RABGAP1L: variants seen among roughly 807,000 people sequenced by gnomAD.
RABGAP1L encodes the protein rab GTPase-activating protein 1-like.
In RABGAP1L, 63 loss-of-function variants were observed where a neutral mutation model predicts 137.7. That is an observed-to-expected ratio of 0.46 (90% CI 0.37 to 0.56). The LOEUF is 0.56. RABGAP1L is among the 20% of genes least tolerant of loss of function. The pLI, the probability that RABGAP1L is intolerant of heterozygous loss-of-function variation, is 0.00. For synonymous variants in RABGAP1L, 431 were observed against 433.7 expected (o/e 0.99, Z 0.08); for missense variants, 1,095 against 1,244.0 (o/e 0.88, Z 1.80).
intron 13 of RABGAP1L, among the ~76,000 whole-genome samples, chr1:174,580,559 T>C (rs1557867113): frequency 6.6e-6 from 1 of 151,660 alleles, no homozygotes; most frequent in Non-Finnish European, 1.5e-5. Flanking sequence ...ATGTTCTCAC[T>C]CATAGGTGGG....
chr1:174,438,742 G>GTATATA (rs1468934527), intron 13 of RABGAP1L, among the ~76,000 whole-genome samples: 1 of 65,802 alleles, frequency 1.5e-5, no homozygotes, highest in Non-Finnish European at 2.5e-5. Flanking sequence ...AAGTGTGTGT[G>GTATATA]TGTATATATA....
At chr1:174,694,150 T>C (rs1306361662) in intron 15 of RABGAP1L, among the ~76,000 whole-genome samples, 1 of 152,174 alleles carries the variant, frequency 6.6e-6, no homozygotes, top group Non-Finnish European at 1.5e-5. Context: ...ATAACATATA[T>C]GGTTACCTGC....
intron 1 of RABGAP1L, among the ~76,000 whole-genome samples, chr1:174,169,786 C>T (rs1313334710): frequency 6.6e-6 from 1 of 152,130 alleles, no homozygotes; most frequent in East Asian, 1.9e-4. Context: ...AACTTCTGGT[C>T]TCAAAGCGAT....
intron 18 of RABGAP1L, among the ~76,000 whole-genome samples, chr1:174,790,601 T>C (rs556165483): frequency 1.3e-5 from 2 of 149,682 alleles, no homozygotes; most frequent in South Asian, 4.3e-4. Context: ...GCTATTGCAC[T>C]CTAGCCTGGG....
chr1:174,610,899 G>A (rs1408974362), intron 13 of RABGAP1L, among the ~76,000 whole-genome samples: 1 of 152,048 alleles, frequency 6.6e-6, no homozygotes, highest in Non-Finnish European at 1.5e-5. Flanking sequence ...TTTTGATGGG[G>A]TTGTTTGTTT....
intron 13 of RABGAP1L, among the ~76,000 whole-genome samples, chr1:174,597,776 T>C (rs1670080025): frequency 6.6e-6 from 1 of 152,224 alleles, no homozygotes; most frequent in Admixed American, 6.5e-5. Context: ...CATTTTAATG[T>C]AGGCACTTAC....
chr1:174,340,741 A>G (rs1218841788), intron 11 of RABGAP1L, among the ~76,000 whole-genome samples: 1 of 152,198 alleles, frequency 6.6e-6, no homozygotes, highest in African/African-American at 2.4e-5. Context: ...CATACAGTGC[A>G]TGTATCTTTA....
intron 13 of RABGAP1L, among the ~76,000 whole-genome samples, chr1:174,514,782 T>G (rs115860596): frequency 6.6e-6 from 1 of 152,180 alleles, no homozygotes; most frequent in Admixed American, 6.6e-5. Context: ...GGTTTTTGAT[T>G]GGATCCAAAT....
rs12354087 is a variant in RABGAP1L, at chr1:174,435,804, T to G, written c.1710+41659T>G. 8.5e-5 allele frequency among the ~76,000 whole-genome samples: 11 copies of G among 129,598 alleles called. 1 individual carries two copies. The highest frequency in any genetic ancestry group is 3.6e-4 in the African/African-American group (10 of 28,018). 85.0% of individuals were successfully genotyped at this position (129,598 alleles called of 152,430 possible). A position where few individuals can be genotyped will look rare whatever the true frequency, so the allele number is the denominator to read the frequency against. On this transcript the variant is annotated intron_variant, in intron 13 of 25. Coordinates refer to ENST00000681986, the MANE Select transcript of RABGAP1L (RefSeq NM_001366446.1). ...ACATCTCCTAATGCTATCCCTCCCC[T>G]CTCCCCCGACACCACAACCGTCCCC...
chr1:174,160,631 A>G (rs551286379), intron 1 of RABGAP1L, among the ~76,000 whole-genome samples: 31 of 152,336 alleles, frequency 2.0e-4, no homozygotes, highest in African/African-American at 7.0e-4. Flanking sequence ...ATTTCAGCGC[A>G]GTTTGGAAAA....
intron 17 of RABGAP1L, chr1:174,705,544 A>G (rs1161207282): frequency 6.6e-6 from 1 of 152,180 alleles, no homozygotes; most frequent in Non-Finnish European, 1.5e-5. Context: ...GAAGTTGGAA[A>G]ACTTTTCAAA....
At chr1:174,574,437 A>C (rs1668213714) in intron 13 of RABGAP1L, among the ~76,000 whole-genome samples, 1 of 152,146 alleles carries the variant, frequency 6.6e-6, no homozygotes, top group South Asian at 2.1e-4. Context: ...GAAAGTCAAC[A>C]TAGTATTCTT....
In RABGAP1L at chr1:174,614,007, A is replaced by T. The variant is rs529048674; in HGVS notation, c.1711-23368A>T. ...GCACACTGATGGGTCTTGACTCTTT[A>T]TCCAATTTGCCAGTCTGTGTCTTTT... On this transcript the variant is annotated intron_variant, in intron 13 of 25. Transcript: ENST00000681986. 1.8e-4 allele frequency among the ~76,000 whole-genome samples: 28 copies of T among 152,226 alleles called. 1 individual carries two copies. The South Asian group carries it at 5.6e-3, about 30-fold the overall frequency.
intron 13 of RABGAP1L, among the ~76,000 whole-genome samples, chr1:174,539,852 A>C (rs191143405): frequency 1.8e-3 from 281 of 152,320 alleles, no homozygotes; most frequent in Non-Finnish European, 3.2e-3. Context: ...GTTCTAGATC[A>C]TTGAGGAATC....
At chr1:174,980,749 A>G (rs1671029274) in intron 23 of RABGAP1L, among the ~76,000 whole-genome samples, 1 of 152,334 alleles carries the variant, frequency 6.6e-6, no homozygotes, top group South Asian at 2.1e-4. Flanking sequence ...AAGTGGCATA[A>G]TCAAAGACAT....
intron 13 of RABGAP1L, among the ~76,000 whole-genome samples, chr1:174,534,483 A>C (rs1664722333): frequency 6.6e-6 from 1 of 152,044 alleles, no homozygotes; most frequent in African/African-American, 2.4e-5. Flanking sequence ...ATAAAATAGA[A>C]TAACTAGAGC....
intron 13 of RABGAP1L, among the ~76,000 whole-genome samples, chr1:174,529,572 G>A (rs145967785): frequency 1.0e-3 from 155 of 152,080 alleles, no homozygotes; most frequent in African/African-American, 3.6e-3. Flanking sequence ...CCTCAGAGTT[G>A]CATACACCAG....
At chr1:174,927,464 A>G (rs1663035981) in intron 19 of RABGAP1L, among the ~76,000 whole-genome samples, 1 of 152,204 alleles carries the variant, frequency 6.6e-6, no homozygotes, top group Admixed American at 6.5e-5. Context: ...TCCTGAGCTC[A>G]TGCAGTCCTC....
In RABGAP1L at chr1:174,502,634, G is replaced by GTACATATA. The variant is rs1446475154; in HGVS notation, c.1710+108490_1710+108491insACATATAT. Among the ~76,000 whole-genome samples, 65 of 136,286 alleles carry GTACATATA rather than the reference G, an allele frequency of 4.8e-4. 1 individual carries two copies. The highest frequency in any genetic ancestry group is 1.7e-3 in the African/African-American group (60 of 35,828). 89.4% of individuals were successfully genotyped at this position (136,286 alleles called of 152,430 possible). A position where few individuals can be genotyped will look rare whatever the true frequency, so the allele number is the denominator to read the frequency against. ...TGTGTATATATATGTACATATATAT[G>GTACATATA]TGTGTATATATATGTACATATATAT... On this transcript the variant is annotated intron_variant, in intron 13 of 25. Transcript: ENST00000681986.
Sources: allele counts gnomAD v4.1 joint callset (sites outside exome capture counted in the v4.1 genomes callset), GRCh38; gene constraint gnomAD v4.1.1; transcripts MANE v1.5; gene names NCBI Gene and HGNC (gene_info 2026-07-23, HGNC 2026-07-21).